Variants in LIPA observed in about 807,000 individuals in gnomAD.
LIPA encodes the protein lipase A, lysosomal acid type.
In LIPA, 26 loss-of-function variants were observed where a neutral mutation model predicts 40.6. The observed-to-expected ratio is 0.64, with a 90% CI of 0.47 to 0.89. LIPA has a LOEUF of 0.89. LIPA is among the 40% of genes least tolerant of loss of function. The pLI, the probability that LIPA is intolerant of heterozygous loss-of-function variation, is 0.00. For missense variants in LIPA, 455 were observed against 479.6 expected (o/e 0.95, Z 0.48); for synonymous variants, 188 against 168.4 (o/e 1.12, Z -0.90).
chr10:89,320,050 T>G (rs1843562963), intron 1 of LIPA, among the ~76,000 whole-genome samples: 1 of 152,126 alleles, frequency 6.6e-6, no homozygotes, highest in African/African-American at 2.4e-5. Flanking sequence ...ATAAACTAGG[T>G]ATTGATGGGA....
intron 1 of LIPA, among the ~76,000 whole-genome samples, chr10:89,310,629 C>T (rs904112780): frequency 9.2e-5 from 14 of 152,198 alleles, no homozygotes; most frequent in African/African-American, 3.1e-4. Context: ...CCACTAAAAT[C>T]CTTAGATGTA....
At chr10:89,296,421 G>A (rs1843415611) in intron 1 of LIPA, among the ~76,000 whole-genome samples, 1 of 150,696 alleles carries the variant, frequency 6.6e-6, no homozygotes, top group Non-Finnish European at 1.5e-5. Context: ...GAACCCGGTA[G>A]GCAGAGGTTG....
chr10:89,344,549 T>G (rs905358427), upstream of LIPA, among the ~76,000 whole-genome samples: 7 of 152,098 alleles, frequency 4.6e-5, no homozygotes, highest in African/African-American at 1.7e-4. Context: ...CATTGATAAT[T>G]TCTAATCTTA....
intron 2 of LIPA, chr10:89,384,418 A>G (rs763129943): frequency 2.5e-6 from 4 of 1,614,114 alleles, no homozygotes; most frequent in South Asian, 2.2e-5. Flanking sequence ...AGGGTTACGC[A>G]TGAAGATCTT....
chr10:89,285,321 T>G (rs1361580513), intron 1 of LIPA: 1 of 152,486 alleles, frequency 6.6e-6, no homozygotes, highest in African/African-American at 2.4e-5. Context: ...CTCAACCTCT[T>G]TCTCCTTTCA....
At chr10:89,231,424 C>T (rs1750271126) in intron 3 of LIPA, among the ~76,000 whole-genome samples, 2 of 151,214 alleles carry the variant, frequency 1.3e-5, no homozygotes, top group Admixed American at 6.6e-5. Context: ...GCTATACCCT[C>T]GTGTTGTTAA....
intron 1 of LIPA, among the ~76,000 whole-genome samples, chr10:89,329,485 C>G (rs544454195): frequency 1.3e-5 from 2 of 152,224 alleles, no homozygotes; most frequent in African/African-American, 4.8e-5. Flanking sequence ...CTGAACTATG[C>G]TGGACTCAGG....
chr10:89,232,430 C>T (rs1035039201), intron 3 of LIPA, among the ~76,000 whole-genome samples: 1 of 152,232 alleles, frequency 6.6e-6, no homozygotes, highest in South Asian at 2.1e-4. Context: ...CGTCTTCCCT[C>T]AGGATGGAGA....
chr10:89,216,091 C>T (rs1269756206), intron 8 of LIPA, 82 bp from the exon 9 acceptor site: 1 of 895,656 alleles, frequency 1.1e-6, no homozygotes, highest in Non-Finnish European at 1.9e-6. Flanking sequence ...CTAGCCACAA[C>T]CTCGGAAATC....
intron 1 of LIPA, among the ~76,000 whole-genome samples, chr10:89,296,246 T>C (rs1310651863): frequency 6.6e-6 from 1 of 152,128 alleles, no homozygotes; most frequent in Non-Finnish European, 1.5e-5. Context: ...CCTAGCACTT[T>C]GGGAGTGCTT....
intron 1 of LIPA, chr10:89,339,063 T>C: frequency 6.2e-7 from 1 of 1,614,108 alleles, no homozygotes; most frequent in Admixed American, 1.7e-5. Context: ...TTGAGTATTC[T>C]GAACTTGACT....
intron 1 of LIPA, among the ~76,000 whole-genome samples, chr10:89,295,097 G>A (rs1268760752): frequency 2.6e-5 from 3 of 117,612 alleles, no homozygotes; most frequent in African/African-American, 9.3e-5. Context: ...AAAAAAGAAT[G>A]GGGAGCTATT....
At chr10:89,356,537 A>G (rs11203090) in intron 2 of LIPA, among the ~76,000 whole-genome samples, 34,839 of 151,936 alleles carry the variant, frequency 0.23, 4,183 homozygotes, top group African/African-American at 0.25. Context: ...CACGAACCCT[A>G]TTGTGAACTC....
At chr10:89,216,075 C>T in intron 8 of LIPA, 66 bp from the exon 9 acceptor site, 2 of 1,044,900 alleles carry the variant, frequency 1.9e-6, no homozygotes, top group South Asian at 1.3e-5. Flanking sequence ...TCATAGGTTG[C>T]TGGAGCTAGC....
rs1554869399 is a variant in LIPA, at chr10:89,247,846, T to TTTTTTTTATTTA, written c.-1-198_-1-197insTAAATAAAAAAA. The TTTTTTTTATTTA allele has an allele frequency of 2.4e-3, 391 of 164,324 alleles. 5 individuals are homozygous for TTTTTTTTATTTA. Among genetic ancestry groups the TTTTTTTTATTTA allele is most frequent in the African/African-American group, 9.6e-3 (373 of 38,988 alleles). 10.2% of individuals were successfully genotyped at this position (164,324 alleles called of 1,614,324 possible). A position where few individuals can be genotyped will look rare whatever the true frequency, so the allele number is the denominator to read the frequency against. The stretch of plus-strand genomic sequence containing the variant: ...TTTAAATTTTATTTATTTATTTTTA[T>TTTTTTTTATTTA]TTTATTTATTTATTTATTTATTTAT... On this transcript the variant is annotated intron_variant, in intron 1 of 9. Coordinates refer to ENST00000336233, the MANE Select transcript of LIPA (RefSeq NM_000235.4).
chr10:89,299,432 T>C (rs558766014), intron 1 of LIPA, among the ~76,000 whole-genome samples: 11 of 152,294 alleles, frequency 7.2e-5, no homozygotes, highest in African/African-American at 1.4e-4. Context: ...TGAAAACCTA[T>C]GTAATGAAAT....
intron 4 of LIPA, among the ~76,000 whole-genome samples, chr10:89,227,612 G>A (rs1842786478): frequency 6.6e-6 from 1 of 152,208 alleles, no homozygotes; most frequent in African/African-American, 2.4e-5. Flanking sequence ...ATGGGTATAT[G>A]CATGCGCATG....
At chr10:89,316,965 C>T (rs1564784562) in intron 1 of LIPA, among the ~76,000 whole-genome samples, 1 of 152,202 alleles carries the variant, frequency 6.6e-6, no homozygotes, top group Non-Finnish European at 1.5e-5. Context: ...AGTGGACTTC[C>T]AGCAAACTCC....
At chr10:89,333,266 T>A (rs538710133) in intron 1 of LIPA, among the ~76,000 whole-genome samples, 24 of 152,184 alleles carry the variant, frequency 1.6e-4, no homozygotes, top group Non-Finnish European at 2.8e-4. Context: ...CTGAATCATA[T>A]CAACCTGAGT....
Sources: allele counts gnomAD v4.1 joint callset (sites outside exome capture counted in the v4.1 genomes callset), GRCh38; gene constraint gnomAD v4.1.1; transcripts MANE v1.5; gene names NCBI Gene and HGNC (gene_info 2026-07-23, HGNC 2026-07-21).